The following NEK11 variants were observed in gnomAD, a reference collection of about 807,000 sequenced individuals.
NEK11 encodes the protein NIMA related kinase 11, also known as serine/threonine-protein kinase Nek11.
A neutral mutation model predicts 80.7 loss-of-function variants in NEK11; 72 were observed. The ratio of observed to expected loss-of-function variants is 0.89; its 90% CI spans 0.74 to 1.08. NEK11 has a LOEUF of 1.08. NEK11 is among the 50% of genes least tolerant of loss of function. The pLI is 0.00. For missense variants in NEK11, 764 were observed against 763.6 expected (o/e 1.00, Z -0.01); for synonymous variants, 251 against 260.7 (o/e 0.96, Z 0.36).
At chr3:131,306,491 A>G (rs1198330497) in intron 17 of NEK11, among the ~76,000 whole-genome samples, 4 of 152,148 alleles carry the variant, frequency 2.6e-5, no homozygotes, top group Non-Finnish European at 5.9e-5. Context: ...AGTGGGCTAT[A>G]GTTGGGTATT....
At chr3:131,185,266 A>T (rs2093552181) in intron 14 of NEK11, among the ~76,000 whole-genome samples, 1 of 152,152 alleles carries the variant, frequency 6.6e-6, no homozygotes, top group Admixed American at 6.6e-5. Flanking sequence ...GAAGTATAAG[A>T]GCTGTAATAG....
At chr3:131,227,603 G>A (rs769142825) in intron 14 of NEK11, among the ~76,000 whole-genome samples, 1 of 152,104 alleles carries the variant, frequency 6.6e-6, no homozygotes, top group Non-Finnish European at 1.5e-5. Flanking sequence ...GAAAAATAAT[G>A]TGTTACAATT....
At chr3:131,050,214 A>G (rs1227082989) in intron 3 of NEK11, among the ~76,000 whole-genome samples, 1 of 152,228 alleles carries the variant, frequency 6.6e-6, no homozygotes, top group Non-Finnish European at 1.5e-5. Context: ...AATAAAACCT[A>G]AAGGTGGAAT....
intron 14 of NEK11, among the ~76,000 whole-genome samples, chr3:131,215,346 A>G (rs1042238462): frequency 1.3e-5 from 2 of 152,048 alleles, no homozygotes; most frequent in Non-Finnish European, 2.9e-5. Flanking sequence ...TGGGTGCAGC[A>G]CACCAACATG....
chr3:131,216,239 C>G (rs139717486), intron 14 of NEK11, among the ~76,000 whole-genome samples: 111 of 152,262 alleles, frequency 7.3e-4, no homozygotes, highest in African/African-American at 2.4e-3. Context: ...CTTCCTAGAC[C>G]CAGACCAGGA....
intron 5 of NEK11, among the ~76,000 whole-genome samples, chr3:131,120,468 G>A (rs6764671): frequency 0.18 from 28,027 of 151,936 alleles, 2,681 homozygotes; most frequent in Middle Eastern, 0.22. Context: ...GGAGTTGCTC[G>A]TCTTGAGGAG....
intron 17 of NEK11, among the ~76,000 whole-genome samples, chr3:131,349,347 T>C (rs1007604625): frequency 1.2e-4 from 18 of 152,218 alleles, no homozygotes; most frequent in African/African-American, 4.1e-4. Flanking sequence ...TCCCAGTTCC[T>C]TGAAGGGTAC....
chr3:131,222,405 TAA>T (rs923295086), intron 14 of NEK11, among the ~76,000 whole-genome samples: 35 of 152,296 alleles, frequency 2.3e-4, no homozygotes, highest in African/African-American at 7.7e-4. Flanking sequence ...GCATGCTTTT[TAA>T]ACTGTAAAAT....
intron 14 of NEK11, among the ~76,000 whole-genome samples, chr3:131,212,097 T>C (rs1416500397): frequency 6.6e-6 from 1 of 152,230 alleles, no homozygotes; most frequent in Non-Finnish European, 1.5e-5. Context: ...CCCATCTTTG[T>C]GGTTTTATCT....
At chr3:131,337,910 A>C (rs1435251643) in intron 17 of NEK11, among the ~76,000 whole-genome samples, 1 of 152,208 alleles carries the variant, frequency 6.6e-6, no homozygotes, top group African/African-American at 2.4e-5. Flanking sequence ...TAAATAACAC[A>C]TTAAAAAATA....
intron 17 of NEK11, among the ~76,000 whole-genome samples, chr3:131,298,132 G>C (rs1016369002): frequency 5.9e-5 from 9 of 152,178 alleles, no homozygotes; most frequent in South Asian, 4.2e-4. Context: ...GCTTAGGATT[G>C]ACTTGGTGAT....
chr3:131,111,975 A>G (rs557748842), intron 5 of NEK11, among the ~76,000 whole-genome samples: 39 of 152,302 alleles, frequency 2.6e-4, no homozygotes, highest in African/African-American at 9.4e-4. Context: ...GAATTATTTT[A>G]TATTGTTAAT....
intron 14 of NEK11, among the ~76,000 whole-genome samples, chr3:131,210,506 G>T (rs1465008178): frequency 6.6e-6 from 1 of 152,206 alleles, no homozygotes; most frequent in East Asian, 1.9e-4. Context: ...GTGCAGAGCT[G>T]AGTTCAATTC....
At chr3:131,333,068 C>T (rs529375804) in intron 17 of NEK11, among the ~76,000 whole-genome samples, 1 of 152,250 alleles carries the variant, frequency 6.6e-6, no homozygotes, top group African/African-American at 2.4e-5. Flanking sequence ...AGAGAACTTC[C>T]CCAATCTAGC....
intron 17 of NEK11, among the ~76,000 whole-genome samples, chr3:131,289,319 C>A (rs2096518063): frequency 6.6e-6 from 1 of 152,234 alleles, no homozygotes; most frequent in Non-Finnish European, 1.5e-5. Flanking sequence ...TTAATCACCT[C>A]TTTCAAGCCC....
intron 14 of NEK11, chr3:131,174,915 A>G (rs1215466126): frequency 6.9e-7 from 1 of 1,449,940 alleles, no homozygotes; most frequent in Non-Finnish European, 9.1e-7. Context: ...GCTTACCCAC[A>G]TCCTGACCAG....
intron 14 of NEK11, among the ~76,000 whole-genome samples, chr3:131,224,664 C>T (rs1580471008): frequency 6.6e-6 from 1 of 152,056 alleles, no homozygotes; most frequent in East Asian, 1.9e-4. Flanking sequence ...ATGGAGGCTC[C>T]GTGTGTGTTA....
At position 131,349,781 on chromosome 3, in the gene NEK11, C is replaced by T; in HGVS notation, c.*5C>T. 6.2e-7 allele frequency: 1 copy of T among 1,605,338 alleles called. No individual in the cohort carries two copies. Among genetic ancestry groups the T allele is most frequent in the Non-Finnish European group, 8.5e-7 (1 of 1,174,460 alleles). On this transcript the variant is annotated 3_prime_UTR_variant, in exon 18 of 18. Transcript: ENST00000383366. ...ACTCTCCAGAACCATCTCTAGGCAA[C>T]TATCAAAAAGAAGCAGAAGTTCAAG...
At chr3:131,213,536 G>A (rs1170295479) in intron 14 of NEK11, among the ~76,000 whole-genome samples, 1 of 152,186 alleles carries the variant, frequency 6.6e-6, no homozygotes, top group Non-Finnish European at 1.5e-5. Context: ...AAAAGTAAAA[G>A]AGAGGAGGGA....
Sources: gnomAD v4.1 joint callset for allele counts (sites outside exome capture counted in the v4.1 genomes callset) on GRCh38, gnomAD v4.1.1 for gene constraint, MANE v1.5 for transcripts, NCBI Gene and HGNC (gene_info 2026-07-23, HGNC 2026-07-21) for gene names.